TOX: variants seen among roughly 807,000 people sequenced by gnomAD.
TOX encodes the protein thymocyte selection-associated high mobility group box protein TOX.
A neutral mutation model predicts 53.7 loss-of-function variants in TOX; 11 were observed. That is an observed-to-expected ratio of 0.20 (90% CI 0.13 to 0.34). The LOEUF is 0.34. Ranked by LOEUF, TOX falls within the 10% of genes least tolerant of loss-of-function variation. TOX has a pLI of 1.00. For synonymous variants in TOX, 225 were observed against 245.3 expected, an observed-to-expected ratio of 0.92 and a Z score of 0.77; for missense variants, 570 against 664.6, an observed-to-expected ratio of 0.86 and a Z score of 1.56.
At chr8:58,879,625 C>T (rs568392605) in intron 3 of TOX, among the ~76,000 whole-genome samples, 3 of 152,288 alleles carry the variant, frequency 2.0e-5, no homozygotes, top group African/African-American at 7.2e-5. Context: ...AAATTCTTTA[C>T]TGTGGCTGAC....
chr8:58,923,193 A>G (rs1450390962), intron 3 of TOX, among the ~76,000 whole-genome samples: 1 of 152,166 alleles, frequency 6.6e-6, no homozygotes, highest in Non-Finnish European at 1.5e-5. Context: ...TGTGTGGAGA[A>G]TGTATCATGG....
chr8:59,007,032 C>A (rs1016184301), intron 1 of TOX, among the ~76,000 whole-genome samples: 1 of 152,154 alleles, frequency 6.6e-6, no homozygotes, highest in African/African-American at 2.4e-5. Context: ...TGAAATTGGG[C>A]AACAAAATCC....
intron 1 of TOX, among the ~76,000 whole-genome samples, chr8:59,076,214 G>A (rs1804290651): frequency 6.6e-6 from 1 of 152,200 alleles, no homozygotes; most frequent in Non-Finnish European, 1.5e-5. Context: ...GAGACGGTAA[G>A]ATAGGGTTGA....
intron 1 of TOX, among the ~76,000 whole-genome samples, chr8:59,049,032 C>T (rs1282658427): frequency 6.6e-6 from 1 of 152,070 alleles, no homozygotes; most frequent in Non-Finnish European, 1.5e-5. Flanking sequence ...GCAATCTATT[C>T]CACTGACTCA....
chr8:58,931,388 G>C (rs1231346584), intron 3 of TOX, among the ~76,000 whole-genome samples: 2 of 151,890 alleles, frequency 1.3e-5, no homozygotes, highest in African/African-American at 4.8e-5. Context: ...TTTGAGGAAA[G>C]GTTAAAGGAA....
At chr8:58,815,076 A>G (rs1810150771) in intron 7 of TOX, among the ~76,000 whole-genome samples, 1 of 150,300 alleles carries the variant, frequency 6.7e-6, no homozygotes, top group Non-Finnish European at 1.5e-5. Flanking sequence ...AGCAAAATGG[A>G]TATCATGGGA....
chr8:58,947,821 G>A (rs1812549047), intron 2 of TOX, among the ~76,000 whole-genome samples: 1 of 152,196 alleles, frequency 6.6e-6, no homozygotes, highest in Non-Finnish European at 1.5e-5. Flanking sequence ...CTGCCAAGAT[G>A]CGATAAGTGA....
At chr8:58,910,074 T>A (rs1180030622) in intron 3 of TOX, among the ~76,000 whole-genome samples, 1 of 152,158 alleles carries the variant, frequency 6.6e-6, no homozygotes, top group Non-Finnish European at 1.5e-5. Flanking sequence ...AGAGACCAAT[T>A]TGGCATCATC....
At chr8:59,004,097 A>G (rs1813744468) in intron 1 of TOX, among the ~76,000 whole-genome samples, 1 of 152,220 alleles carries the variant, frequency 6.6e-6, no homozygotes, top group Non-Finnish European at 1.5e-5. Context: ...TTTCAAATAC[A>G]TGAAATGTGA....
At position 59,106,946 on chromosome 8, in the gene TOX, C is replaced by G. The variant is rs372594073; in HGVS notation, c.102+11940G>C. Reference sequence around the variant, plus strand: ...TATGTGATGTCATAACTAGAAAATACAAGATATGTAAAAAATCCTAACCTT... The same window carrying G: ...TATGTGATGTCATAACTAGAAAATAGAAGATATGTAAAAAATCCTAACCTT... On this transcript the variant is annotated intron_variant, in intron 1 of 8. Transcript: ENST00000361421. Among the ~76,000 whole-genome samples, 21 of 148,964 alleles carry G rather than the reference C, an allele frequency of 1.4e-4. No individual in the cohort carries two copies. In the East Asian group the frequency reaches 1.6e-3, roughly 11 times the overall value.
At chr8:59,020,786 T>G (rs1265525087) in intron 1 of TOX, among the ~76,000 whole-genome samples, 1 of 152,118 alleles carries the variant, frequency 6.6e-6, no homozygotes, top group Non-Finnish European at 1.5e-5. Flanking sequence ...AAACTTCCCA[T>G]TGTAAATAAA....
At chr8:59,024,726 T>C (rs541208117) in intron 1 of TOX, among the ~76,000 whole-genome samples, 47 of 152,206 alleles carry the variant, frequency 3.1e-4, no homozygotes, top group African/African-American at 1.1e-3. Context: ...AAAAACTAAC[T>C]TCTGTGTGCT....
chr8:59,032,032 G>A (rs1814366332), intron 1 of TOX, among the ~76,000 whole-genome samples: 1 of 152,170 alleles, frequency 6.6e-6, no homozygotes, highest in Non-Finnish European at 1.5e-5. Context: ...GGGATGGTAG[G>A]GGAGTAAGTG....
chr8:58,885,999 T>C (rs1811460731), intron 3 of TOX, among the ~76,000 whole-genome samples: 1 of 152,142 alleles, frequency 6.6e-6, no homozygotes, highest in Non-Finnish European at 1.5e-5. Context: ...AATTGCAATG[T>C]TGAAGTTTCA....
chr8:58,889,191 T>C (rs959972123), intron 3 of TOX, among the ~76,000 whole-genome samples: 3 of 141,148 alleles, frequency 2.1e-5, no homozygotes, highest in African/African-American at 7.9e-5. Flanking sequence ...GGGCTCTTCA[T>C]TGCAGCATTG....
intron 4 of TOX, among the ~76,000 whole-genome samples, chr8:58,848,302 A>G (rs765005519): frequency 6.6e-6 from 1 of 152,072 alleles, no homozygotes; most frequent in Non-Finnish European, 1.5e-5. Flanking sequence ...GAGCAATCTT[A>G]AAGAAGATGA....
At chr8:59,053,405 C>A (rs977763333) in intron 1 of TOX, among the ~76,000 whole-genome samples, 1 of 152,158 alleles carries the variant, frequency 6.6e-6, no homozygotes, top group African/African-American at 2.4e-5. Context: ...CACCACACTG[C>A]CTCTAGGATC....
intron 6 of TOX, among the ~76,000 whole-genome samples, chr8:58,816,850 G>A (rs1193065901): frequency 2.6e-5 from 4 of 152,072 alleles, no homozygotes; most frequent in African/African-American, 7.3e-5. Flanking sequence ...TTAGAGAAAC[G>A]GGTTCATCAT....
chr8:59,111,702 T>C (rs531219851), intron 1 of TOX, among the ~76,000 whole-genome samples: 8 of 152,300 alleles, frequency 5.3e-5, no homozygotes, highest in African/African-American at 1.9e-4. Flanking sequence ...GCTAGTATCA[T>C]CACTACTGTG....
Sources: gnomAD v4.1 joint callset for allele counts (sites outside exome capture counted in the v4.1 genomes callset) on GRCh38, gnomAD v4.1.1 for gene constraint, MANE v1.5 for transcripts, NCBI Gene and HGNC (gene_info 2026-07-23, HGNC 2026-07-21) for gene names.